The following ADAMTS17 variants were observed in gnomAD, a reference collection of about 807,000 sequenced individuals.
ADAMTS17 encodes the protein A disintegrin and metalloproteinase with thrombospondin motifs 17.
ADAMTS17 carries 113 observed loss-of-function variants against 141.5 expected under a neutral mutation model. The ratio of observed to expected loss-of-function variants is 0.80; its 90% CI spans 0.69 to 0.93. ADAMTS17 has a LOEUF of 0.93. Ranked by LOEUF, ADAMTS17 falls within the 40% of genes least tolerant of loss-of-function variation. The pLI is 0.00. For synonymous variants in ADAMTS17, 768 were observed against 630.6 expected (o/e 1.22, Z -3.27); for missense variants, 1,659 against 1,517.9 (o/e 1.09, Z -1.54).
At chr15:100,266,098 A>C (rs1192513260) in intron 4 of ADAMTS17, among the ~76,000 whole-genome samples, 2 of 152,196 alleles carry the variant, frequency 1.3e-5, no homozygotes, top group Admixed American at 1.3e-4. Flanking sequence ...GGAACAGCTC[A>C]GGTTTTTCAT....
intron 8 of ADAMTS17, among the ~76,000 whole-genome samples, chr15:100,165,185 G>T (rs942316572): frequency 6.6e-6 from 1 of 152,200 alleles, no homozygotes; most frequent in Non-Finnish European, 1.5e-5. Flanking sequence ...ACCAGCTCCT[G>T]CCACTCTGAT....
At chr15:100,113,458 A>C (rs2036917383) in intron 13 of ADAMTS17, among the ~76,000 whole-genome samples, 2 of 152,180 alleles carry the variant, frequency 1.3e-5, no homozygotes, top group Admixed American at 6.5e-5. Context: ...CCTGGAGCCC[A>C]CTAGCAATAC....
intron 18 of ADAMTS17, among the ~76,000 whole-genome samples, chr15:100,048,567 T>C (rs771121204): frequency 6.6e-6 from 1 of 151,314 alleles, no homozygotes; most frequent in African/African-American, 2.4e-5. Context: ...AAGCCAATGG[T>C]TAAAAGTGTG....
chr15:100,209,130 AAAAG>A (rs1163969413), intron 7 of ADAMTS17, among the ~76,000 whole-genome samples: 9 of 92,008 alleles, frequency 9.8e-5, no homozygotes, highest in Middle Eastern at 4.8e-3. Context: ...AAAAAAAAAA[AAAAG>A]GAAGAAAGAA....
chr15:100,044,477 T>C (rs1471497407), intron 18 of ADAMTS17, among the ~76,000 whole-genome samples: 1 of 152,236 alleles, frequency 6.6e-6, no homozygotes, highest in Non-Finnish European at 1.5e-5. Flanking sequence ...TTTCAGATAT[T>C]GTATTTATTT....
At chr15:100,047,536 G>A (rs1485113617) in intron 18 of ADAMTS17, among the ~76,000 whole-genome samples, 7 of 151,622 alleles carry the variant, frequency 4.6e-5, no homozygotes, top group South Asian at 4.2e-4. Flanking sequence ...CAAGCCAGCC[G>A]ACGCTTAGGG....
At chr15:99,999,937 T>TA (rs768814777) in intron 18 of ADAMTS17, among the ~76,000 whole-genome samples, 104 of 152,268 alleles carry the variant, frequency 6.8e-4, no homozygotes, top group Non-Finnish European at 1.2e-3. Flanking sequence ...GAATCATCAC[T>TA]CTATCCTCAG....
At chr15:100,099,080 C>G (rs934524583) in intron 14 of ADAMTS17, among the ~76,000 whole-genome samples, 4 of 152,204 alleles carry the variant, frequency 2.6e-5, no homozygotes, top group Non-Finnish European at 4.4e-5. Flanking sequence ...CCCATTTGGT[C>G]CAGTTTCCTC....
chr15:100,079,591 C>G (rs1040683010), intron 15 of ADAMTS17, among the ~76,000 whole-genome samples: 1 of 152,128 alleles, frequency 6.6e-6, no homozygotes, highest in Admixed American at 6.5e-5. Flanking sequence ...TTGGGAATGA[C>G]TGTGGTGATA....
intron 14 of ADAMTS17, among the ~76,000 whole-genome samples, chr15:100,098,931 G>T (rs961369221): frequency 6.6e-6 from 1 of 152,202 alleles, no homozygotes; most frequent in African/African-American, 2.4e-5. Context: ...GGTGCCCTCT[G>T]CTGTAGACAT....
chr15:100,084,856 C>T (rs2034995505), intron 15 of ADAMTS17, among the ~76,000 whole-genome samples: 1 of 152,174 alleles, frequency 6.6e-6, no homozygotes, highest in African/African-American at 2.4e-5. Flanking sequence ...TCACCATCAT[C>T]AAAGACCAAA....
At chr15:100,047,438 G>A (rs1057435642) in intron 18 of ADAMTS17, among the ~76,000 whole-genome samples, 3 of 151,620 alleles carry the variant, frequency 2.0e-5, no homozygotes, top group Non-Finnish European at 4.4e-5. Context: ...ACGGCTTGGG[G>A]GCATCACGGA....
At position 100,220,371 on chromosome 15, in the gene ADAMTS17, C is replaced by CTT. The variant is rs1555486592; in HGVS notation, c.1076-20950_1076-20949dup. On this transcript the variant is annotated intron_variant, in intron 7 of 21. Transcript: ENST00000268070. Reference sequence around the variant, plus strand: ...TTTTCTTGTCTTTGCCACCTTTCTTCTTTCCCCCGAACGCTTCACTGTGAA... The same window carrying CTT: ...TTTTCTTGTCTTTGCCACCTTTCTTCTTTTTCCCCCGAACGCTTCACTGTGAA... Among the ~76,000 whole-genome samples the CTT allele has an allele frequency of 8.6e-3, 1,304 of 152,084 alleles. 11 individuals are homozygous for CTT. The highest frequency in any genetic ancestry group is 0.013 in the Non-Finnish European group (905 of 67,958).
At chr15:100,140,894 A>G (rs1567241838) in intron 10 of ADAMTS17, among the ~76,000 whole-genome samples, 1 of 152,094 alleles carries the variant, frequency 6.6e-6, no homozygotes, top group East Asian at 1.9e-4. Context: ...CTCCCTGGAA[A>G]CACTGCTGGG....
chr15:99,994,815 T>C (rs2573608), intron 19 of ADAMTS17, among the ~76,000 whole-genome samples: 19,219 of 152,258 alleles, frequency 0.13, 3,734 homozygotes, highest in African/African-American at 0.42. Flanking sequence ...CCACCCGACT[T>C]GGCCTCCCAA....
chr15:100,339,298 C>T (rs1596556678), intron 2 of ADAMTS17, among the ~76,000 whole-genome samples: 2 of 152,192 alleles, frequency 1.3e-5, no homozygotes, highest in South Asian at 4.1e-4. Flanking sequence ...TCCACCTCGG[C>T]GCCTTCACAG....
intron 7 of ADAMTS17, among the ~76,000 whole-genome samples, chr15:100,229,758 C>A (rs1171869635): frequency 6.6e-6 from 1 of 152,194 alleles, no homozygotes; most frequent in Non-Finnish European, 1.5e-5. Flanking sequence ...GTTCCCTCTC[C>A]CTGACCAAAT....
chr15:100,053,951 C>T lies in ADAMTS17; in HGVS notation c.2241G>A (p.Gly747=), dbSNP rs370250342. 13 of 1,614,174 alleles carry T rather than the reference C, an allele frequency of 8.1e-6. No individual in the cohort carries two copies. The highest frequency in any genetic ancestry group is 1.0e-5 in the Non-Finnish European group (12 of 1,180,028). The change falls in exon 16 of 22, where the codon GGG becomes GGA. Residue 747 remains glycine (G), a synonymous_variant. Coordinates refer to ENST00000268070, the MANE Select transcript of ADAMTS17 (RefSeq NM_139057.4). ...AGTTVRYVRR[G]LWEKISAKGP... ...CCTTGGCAGAGATCTTCTCCCACAG[C>T]CCCCTTCTCACATAGCGAACAGTTG...
intron 3 of ADAMTS17, among the ~76,000 whole-genome samples, chr15:100,288,021 G>A (rs2044503226): frequency 6.6e-6 from 1 of 152,148 alleles, no homozygotes; most frequent in Admixed American, 6.5e-5. Context: ...TATTAGCTTT[G>A]AATATAAACA....
Sources: gnomAD v4.1 joint callset for allele counts (sites outside exome capture counted in the v4.1 genomes callset) on GRCh38, gnomAD v4.1.1 for gene constraint, MANE v1.5 for transcripts, NCBI Gene and HGNC (gene_info 2026-07-23, HGNC 2026-07-21) for gene names.